Variants in ADGRV1 observed in about 807,000 individuals in gnomAD.
ADGRV1 encodes adhesion G protein-coupled receptor V1.
Under a neutral mutation model 596.2 loss-of-function variants are expected in ADGRV1, and 359 were observed. The observed-to-expected ratio is 0.60, with a 90% CI of 0.55 to 0.66. The LOEUF is 0.66. Among genes scored for constraint, ADGRV1 ranks in the 30% least tolerant of loss-of-function variants. The probability of loss-of-function intolerance (pLI) is 0.00; values close to 1 mark genes in which losing one functional copy is unlikely to be tolerated. For missense variants in ADGRV1, 7,274 were observed against 7,575.6 expected, an observed-to-expected ratio of 0.96 and a Z score of 1.48; for synonymous variants, 2,681 against 2,679.2, an observed-to-expected ratio of 1.00 and a Z score of -0.02.
intron 83 of ADGRV1, among the ~76,000 whole-genome samples, chr5:90,885,164 A>G (rs943552196): frequency 1.3e-5 from 2 of 152,178 alleles, no homozygotes; most frequent in African/African-American, 2.4e-5. Context: ...TTGGTGAAGA[A>G]AATCTTTAGC....
intron 83 of ADGRV1, among the ~76,000 whole-genome samples, chr5:90,891,275 A>G (rs1770797026): frequency 6.7e-6 from 1 of 150,372 alleles, no homozygotes; most frequent in Non-Finnish European, 1.5e-5. Flanking sequence ...TGTGTGTTGG[A>G]GTTAGCAATA....
intron 49 of ADGRV1, 100 bp downstream of exon 49, chr5:90,729,033 A>G (rs935466631): frequency 5.0e-6 from 4 of 798,770 alleles, no homozygotes; most frequent in Admixed American, 3.1e-5. Context: ...ATAATTTTTT[A>G]CTAATCCATA....
chr5:91,117,992 G>GGGT (rs1483101051), intron 87 of ADGRV1, among the ~76,000 whole-genome samples: 1 of 152,178 alleles, frequency 6.6e-6, no homozygotes, highest in Non-Finnish European at 1.5e-5. Flanking sequence ...CTTATTGTCA[G>GGGT]GGTGGTGGTT....
At chr5:91,089,132 C>G (rs1044638648) in intron 86 of ADGRV1, among the ~76,000 whole-genome samples, 3 of 152,080 alleles carry the variant, frequency 2.0e-5, no homozygotes, top group Admixed American at 1.3e-4. Context: ...TAATAATAAG[C>G]CTTTATATAA....
chr5:90,622,119 T>C (rs1764161939), intron 4 of ADGRV1, among the ~76,000 whole-genome samples: 2 of 152,198 alleles, frequency 1.3e-5, no homozygotes, highest in South Asian at 4.1e-4. Flanking sequence ...TTTCACCTCC[T>C]GCAGAGATCC....
intron 83 of ADGRV1, among the ~76,000 whole-genome samples, chr5:90,921,176 G>A (rs964067300): frequency 6.6e-6 from 1 of 152,074 alleles, no homozygotes; most frequent in African/African-American, 2.4e-5. Flanking sequence ...TACATAGTAT[G>A]TACCTGTACA....
rs201483312 is a variant in ADGRV1 at position 90,745,193 on chromosome 5, T to C, written c.10697T>C (p.Ile3566Thr). ...VKSLNSSKNL[I>T]ALVGAHSHIY... The stretch of plus-strand genomic sequence containing the variant: ...TCCCTTAATTCAAGCAAGAATTTAA[T>C]AGCTCTAGTGGGAGCTCATTCACAT... The change falls in exon 51 of 90, where the codon ATA (isoleucine) becomes ACA (threonine). Residue 3566 changes from isoleucine (I) to threonine (T), a missense_variant. Physicochemically the swap from Ile to Thr is moderately conservative, Grantham distance 89. This residue lies in a region of ADGRV1 where 3,643 missense variants were observed against 3,809.2 expected (regional missense o/e 0.96). Transcript: ENST00000405460. 368 of 1,612,880 alleles carry C rather than the reference T, an allele frequency of 2.3e-4. No homozygotes were observed. The highest frequency in any genetic ancestry group is 2.8e-4 in the Non-Finnish European group (334 of 1,179,686).
chr5:90,564,237 T>C (rs1017804841), intron 1 of ADGRV1, among the ~76,000 whole-genome samples: 4 of 152,230 alleles, frequency 2.6e-5, no homozygotes, highest in African/African-American at 9.6e-5. Flanking sequence ...AATCATTAGT[T>C]TTATTTAACT....
chr5:90,654,127 A>G, intron 20 of ADGRV1, 175 bp downstream of exon 20: 1 of 701,556 alleles, frequency 1.4e-6, no homozygotes, highest in East Asian at 2.8e-5. Context: ...TTCTGTCCTG[A>G]GTGTTACAGA....
At position 90,810,268 on chromosome 5, in the gene ADGRV1, G is replaced by A. The variant is rs1488289429; in HGVS notation, c.15008G>A (p.Gly5003Asp). 1.9e-6 allele frequency: 3 copies of A among 1,588,522 alleles called. No homozygotes were observed. The highest frequency in any genetic ancestry group is 1.3e-5 in the African/African-American group (1 of 74,470). ...ATTGTTGCTGAAATTGAACCAATGG[G>A]CGTCTTCCAATTTTCCACTAGCTCA... ...GFIVAEIEPM[G>D]VFQFSTSSRN... The change falls in exon 74 of 90, where the codon GGC (glycine) becomes GAC (aspartate). Residue 5003 changes from glycine to aspartate, a missense_variant. Around this residue, in one of 5 missense-constraint regions of ADGRV1, gnomAD observed 1,874 missense variants for 1,970.2 expected, o/e 0.95. Transcript: ENST00000405460.
rs768408053 is a variant in ADGRV1, at chr5:90,683,942, C to A, written c.6021C>A (p.Leu2007=). ...ITLSIIRLKG[L]MGKVLVSYAT... ...TATCAATAATAAGGTTGAAAGGCCT[C>A]ATGGGAAAAGTCCTTGTCTCATATG... Residue 2007 remains leucine, a synonymous_variant, in exon 28 of 90, where the codon CTC becomes CTA. Transcript: ENST00000405460. 6.2e-7 allele frequency: 1 copy of A among 1,613,834 alleles called. No individual in the cohort carries two copies. Among genetic ancestry groups the A allele is most frequent in the South Asian group, 1.1e-5 (1 of 91,066 alleles).
At chr5:90,559,556 G>A (rs1407379986) in intron 1 of ADGRV1, among the ~76,000 whole-genome samples, 2 of 152,088 alleles carry the variant, frequency 1.3e-5, no homozygotes, top group African/African-American at 4.8e-5. Context: ...AATTATAGCA[G>A]TGTTCGTCAG....
chr5:91,067,696 A>G (rs1478554663), intron 85 of ADGRV1, among the ~76,000 whole-genome samples: 1 of 152,188 alleles, frequency 6.6e-6, no homozygotes, highest in East Asian at 1.9e-4. Flanking sequence ...GCTGTCCCAA[A>G]TTGAATTGTG....
At chr5:90,858,051 A>G (rs1027260738) in intron 82 of ADGRV1, among the ~76,000 whole-genome samples, 2 of 152,222 alleles carry the variant, frequency 1.3e-5, no homozygotes, top group African/African-American at 4.8e-5. Flanking sequence ...ATAGTTGTAG[A>G]GGCCAAAAAG....
intron 70 of ADGRV1, among the ~76,000 whole-genome samples, chr5:90,801,644 T>C (rs1220432140): frequency 3.9e-5 from 6 of 152,160 alleles, no homozygotes; most frequent in Non-Finnish European, 8.8e-5. Context: ...TCATGGTATA[T>C]ATTTTGCAAA....
rs947814117 is a variant in ADGRV1, at chr5:90,566,456, A to G, written c.22+7539A>G. On this transcript the variant is annotated intron_variant, in intron 1 of 89. Transcript: ENST00000405460. ...AGGCTTCACTGTCAAAAATTAATTG[A>G]CTATAAATGTATGGTTTTATTTCTG... 2.6e-5 allele frequency among the ~76,000 whole-genome samples: 4 copies of G among 152,250 alleles called. No homozygotes were observed. The South Asian group carries it at 8.3e-4, about 32-fold the overall frequency.
At chr5:90,888,701 A>G (rs1188871267) in intron 83 of ADGRV1, among the ~76,000 whole-genome samples, 1 of 152,022 alleles carries the variant, frequency 6.6e-6, no homozygotes, top group Admixed American at 6.6e-5. Context: ...CTCCTTTCTT[A>G]TCTAGCCATT....
intron 1 of ADGRV1, 123 bp from the exon 2 acceptor site, chr5:90,614,712 T>C: frequency 1.3e-6 from 1 of 757,890 alleles, no homozygotes; most frequent in Middle Eastern, 2.3e-4. Context: ...ATAGTAGATG[T>C]ATTTATGTCT....
chr5:90,941,003 T>C (rs1186650740), intron 83 of ADGRV1, among the ~76,000 whole-genome samples: 1 of 152,184 alleles, frequency 6.6e-6, no homozygotes, highest in Non-Finnish European at 1.5e-5. Context: ...ATTTGCTTTT[T>C]TCCCCCCTCC....
Sources: allele counts gnomAD v4.1 joint callset (sites outside exome capture counted in the v4.1 genomes callset), GRCh38; gene constraint gnomAD v4.1.1; regional missense constraint gnomAD v4.1.1; transcripts MANE v1.5; gene names NCBI Gene and HGNC (gene_info 2026-07-23, HGNC 2026-07-21).